LARGE1: variants seen among roughly 807,000 people sequenced by gnomAD.
LARGE1 encodes xylosyl- and glucuronyltransferase LARGE1.
Under a neutral mutation model 87.6 loss-of-function variants are expected in LARGE1, and 43 were observed. That is an observed-to-expected ratio of 0.49 (90% CI 0.38 to 0.63). LARGE1 has a LOEUF of 0.63. LARGE1 is among the 30% of genes least tolerant of loss of function. LARGE1 has a pLI of 0.00. For synonymous variants in LARGE1, 434 were observed against 394.6 expected (o/e 1.10, Z -1.18); for missense variants, 802 against 1,000.2 (o/e 0.80, Z 2.67).
chr22:33,339,142 C>T (rs375305245), intron 9 of LARGE1, among the ~76,000 whole-genome samples: 365 of 142,944 alleles, frequency 2.6e-3, no homozygotes, highest in Non-Finnish European at 3.5e-3. Context: ...AGCGAGACTC[C>T]GTCTCAAAAA....
intron 6 of LARGE1, among the ~76,000 whole-genome samples, chr22:33,498,694 A>G (rs2148346932): frequency 1.3e-5 from 2 of 152,312 alleles, no homozygotes; most frequent in Middle Eastern, 3.4e-3. Flanking sequence ...AAAACAGGCC[A>G]GGCGCGGGGG....
At chr22:33,824,708 T>A (rs1165585067) in intron 1 of LARGE1, among the ~76,000 whole-genome samples, 1 of 152,224 alleles carries the variant, frequency 6.6e-6, no homozygotes, top group Non-Finnish European at 1.5e-5. Flanking sequence ...TTTAAAAATA[T>A]GACCAATTAT....
rs1249425532 is a variant in LARGE1, at chr22:33,490,568, C to T, written c.788-58303G>A. ...CTAACTACATCACTCCATTCATTAT[C>T]CAGTACACTGCTGCAACGCTTCTGA... On this transcript the variant is annotated intron_variant, in intron 6 of 14. Coordinates refer to ENST00000397394, the MANE Select transcript of LARGE1 (RefSeq NM_133642.5). Among the ~76,000 whole-genome samples the T allele has an allele frequency of 2.0e-5, 3 of 152,182 alleles. No individual in the cohort carries two copies. In the East Asian group the frequency reaches 5.8e-4, roughly 29 times the overall value.
At chr22:33,261,988 A>C (rs1602164908) in intron 11 of LARGE1, among the ~76,000 whole-genome samples, 1 of 152,240 alleles carries the variant, frequency 6.6e-6, no homozygotes, top group African/African-American at 2.4e-5. Context: ...GAACAAGAGA[A>C]AAAAATAACG....
intron 1 of LARGE1, among the ~76,000 whole-genome samples, chr22:33,895,214 C>T: frequency 6.6e-6 from 1 of 152,152 alleles, no homozygotes; most frequent in East Asian, 1.9e-4. Context: ...ACTATGAATG[C>T]ACTTGAGCAT....
chr22:33,617,369 G>A (rs533192429), intron 4 of LARGE1, among the ~76,000 whole-genome samples: 1 of 152,200 alleles, frequency 6.6e-6, no homozygotes, highest in African/African-American at 2.4e-5. Context: ...CAAAGCCTAT[G>A]AGTCTACATC....
chr22:33,891,034 CTGCATACGGTTCTGTGCATATGGG>C (rs2064992701), intron 1 of LARGE1, among the ~76,000 whole-genome samples: 3 of 8,924 alleles, frequency 3.4e-4, no homozygotes, highest in Non-Finnish European at 5.3e-4. Flanking sequence ...ATATGGGAAG[CTGCATACGGTTCTGTGCATATGGG>C]AAGCTGCATA....
chr22:33,832,641 G>A (rs2063004303), intron 1 of LARGE1, among the ~76,000 whole-genome samples: 1 of 152,336 alleles, frequency 6.6e-6, no homozygotes, highest in Non-Finnish European at 1.5e-5. Context: ...TGTACCCACT[G>A]TGCATAGGCT....
intron 10 of LARGE1, among the ~76,000 whole-genome samples, chr22:33,319,428 C>T (rs1051353370): frequency 3.3e-5 from 5 of 152,148 alleles, no homozygotes; most frequent in Non-Finnish European, 5.9e-5. Flanking sequence ...CAGAGTCTAG[C>T]TCTGTTGCCC....
At chr22:33,781,269 T>C (rs2085411177) in intron 1 of LARGE1, among the ~76,000 whole-genome samples, 1 of 152,052 alleles carries the variant, frequency 6.6e-6, no homozygotes, top group Non-Finnish European at 1.5e-5. Context: ...GAGGCCAAGA[T>C]GGGTAGATCA....
At chr22:33,889,654 C>T (rs1466967562) in intron 1 of LARGE1, among the ~76,000 whole-genome samples, 1 of 152,006 alleles carries the variant, frequency 6.6e-6, no homozygotes. Context: ...CCCGGAGGGG[C>T]TCATGGACAG....
At chr22:33,793,093 T>C (rs896668219) in intron 1 of LARGE1, among the ~76,000 whole-genome samples, 1 of 152,244 alleles carries the variant, frequency 6.6e-6, no homozygotes, top group Non-Finnish European at 1.5e-5. Flanking sequence ...TGAAGATTTA[T>C]GAGATGTTTA....
rs967066914 is a variant in LARGE1, at chr22:33,273,980, T to C, written c.*447A>G. On this transcript the variant is annotated 3_prime_UTR_variant, in exon 15 of 15. Transcript: ENST00000397394. ...CTACATTGCAGGGCAAAGGGGAAAG[T>C]TTTCACTTAATAAAGACAATTTCAC... 3.0e-6 allele frequency: 1 copy of C among 338,696 alleles called. No individual in the cohort carries two copies. The highest frequency in any genetic ancestry group is 2.1e-5 in the African/African-American group (1 of 47,724). The allele number at this position is 338,696 out of a possible 1,614,324, so 21.0% of individuals were successfully genotyped here. A position where few individuals can be genotyped will look rare whatever the true frequency, so the allele number is the denominator to read the frequency against.
rs111350078 is a variant in LARGE1, at chr22:33,666,731, A to G, written c.107-16063T>C. Among the ~76,000 whole-genome samples the G allele has an allele frequency of 7.8e-3, 1,194 of 152,304 alleles. 17 individuals carry two copies. The highest frequency in any genetic ancestry group is 0.027 in the African/African-American group (1,116 of 41,554). ...GAGGCAGCAGTCTCCAGGATGGCCT[A>G]GAAATGGTTAATTCACAGTTTCTCT... On this transcript the variant is annotated intron_variant, in intron 2 of 14. Coordinates refer to ENST00000397394, the MANE Select transcript of LARGE1 (RefSeq NM_133642.5).
intron 7 of LARGE1, among the ~76,000 whole-genome samples, chr22:33,389,671 C>T (rs557796888): frequency 6.6e-6 from 1 of 152,278 alleles, no homozygotes; most frequent in East Asian, 1.9e-4. Context: ...ATGGAGAAAC[C>T]CTGTCTCTAC....
rs138398013 is a variant in LARGE1 at position 33,611,343 on chromosome 22, A to G, written c.492-6785T>C. Among the ~76,000 whole-genome samples, 578 of 152,362 alleles carry G rather than the reference A, an allele frequency of 3.8e-3. 6 individuals carry two copies. The highest frequency in any genetic ancestry group is 0.013 in the African/African-American group (540 of 41,590). ...AAAGCCACAGGAGTGTTCCTGCCCA[A>G]GGCTTTGGGAGCCTGCCCATTGCAC... On this transcript the variant is annotated intron_variant, in intron 4 of 14. Coordinates refer to ENST00000397394, the MANE Select transcript of LARGE1 (RefSeq NM_133642.5).
chr22:33,214,755 C>G (rs780999849), intron 11 of LARGE1, among the ~76,000 whole-genome samples: 3 of 152,180 alleles, frequency 2.0e-5, no homozygotes, highest in Non-Finnish European at 4.4e-5. Context: ...CGAGGGAGCC[C>G]GGTCTTTCAC....
chr22:33,883,697 T>C (rs1244141179), intron 1 of LARGE1, among the ~76,000 whole-genome samples: 1 of 152,232 alleles, frequency 6.6e-6, no homozygotes, highest in East Asian at 1.9e-4. Flanking sequence ...CTGAAGGCCT[T>C]TGCACTGGCA....
chr22:33,075,061 C>G, the LARGE1 span, among the ~76,000 whole-genome samples: 1 of 152,156 alleles, frequency 6.6e-6, no homozygotes, highest in Non-Finnish European at 1.5e-5. Context: ...GATTTAAATG[C>G]GTACCAGTGT....
Sources: allele counts gnomAD v4.1 joint callset (sites outside exome capture counted in the v4.1 genomes callset), GRCh38; gene constraint gnomAD v4.1.1; transcripts MANE v1.5; gene names NCBI Gene and HGNC (gene_info 2026-07-23, HGNC 2026-07-21).